Variants in RANBP2 observed in about 807,000 individuals in gnomAD.
The protein encoded by RANBP2 is RAN binding protein 2, also known as E3 SUMO-protein ligase RanBP2.
Under a neutral mutation model 303.6 loss-of-function variants are expected in RANBP2, and 57 were observed. That is an observed-to-expected ratio of 0.19 (90% CI 0.15 to 0.23). The LOEUF (loss-of-function observed/expected upper bound fraction) is 0.23. Ranked by LOEUF, RANBP2 falls within the 10% of genes least tolerant of loss-of-function variation. The pLI, the probability that RANBP2 is intolerant of heterozygous loss-of-function variation, is 1.00. For missense variants in RANBP2, 3,138 were observed against 3,780.8 expected, an observed-to-expected ratio of 0.83 and a Z score of 4.46; for synonymous variants, 1,167 against 1,301.5, an observed-to-expected ratio of 0.90 and a Z score of 2.23.
At chr2:109,449,107 T>C in the RANBP2 span, 1 of 1,533,656 alleles carries the variant, frequency 6.5e-7, no homozygotes, top group African/African-American at 1.4e-5. Flanking sequence ...TGCAGCTGCC[T>C]GGCAGGCATG....
chr2:108,791,858 A>C, the RANBP2 span: 2 of 1,490,724 alleles, frequency 1.3e-6, no homozygotes, highest in Non-Finnish European at 1.8e-6. Flanking sequence ...AAGTAGAGTA[A>C]ATGAAGCTTC....
At chr2:109,416,428 T>A in the RANBP2 span, among the ~76,000 whole-genome samples, 1 of 151,988 alleles carries the variant, frequency 6.6e-6, no homozygotes, top group East Asian at 2.0e-4. Context: ...AACCCCCCCG[T>A]TTCTACTAAA....
chr2:109,129,789 G>A, the RANBP2 span: 2 of 1,539,282 alleles, frequency 1.3e-6, no homozygotes, highest in African/African-American at 1.4e-5. Context: ...GCTGCCTGGA[G>A]AGCATCGTGT....
chr2:108,809,274 G>A, the RANBP2 span, among the ~76,000 whole-genome samples: 297 of 152,152 alleles, frequency 2.0e-3, 3 homozygotes, highest in African/African-American at 6.9e-3. Context: ...TGTTGTTTTC[G>A]CACAGGATCG....
At position 108,736,242 on chromosome 2, in the gene RANBP2, C is replaced by T; in HGVS notation, c.775C>T (p.Leu259=). The T allele has an allele frequency of 1.2e-6, 2 of 1,611,960 alleles. No individual in the cohort carries two copies. Among genetic ancestry groups the T allele is most frequent in the Non-Finnish European group, 1.7e-6 (2 of 1,179,838 alleles). ...TRDVQESREL[L]QSFDSALQSV... is the part of the protein sequence containing the mutation. Reference sequence around the variant, plus strand: ...AGATGTGCAGGAAAGTAGAGAATTACTGCAAAGGTACGTTGACTTTGAGAA... The same window carrying T: ...AGATGTGCAGGAAAGTAGAGAATTATTGCAAAGGTACGTTGACTTTGAGAA... The change falls in exon 6 of 29, where the codon CTG becomes TTG. Residue 259 remains leucine, a synonymous_variant. Transcript: ENST00000283195.
the RANBP2 span, chr2:108,846,743 G>A: frequency 3.7e-6 from 6 of 1,605,688 alleles, no homozygotes; most frequent in South Asian, 2.2e-5. Context: ...AACAGCACTC[G>A]ACTATGACAT....
chr2:108,968,137 G>C, the RANBP2 span, among the ~76,000 whole-genome samples: 3 of 152,148 alleles, frequency 2.0e-5, no homozygotes, highest in Non-Finnish European at 4.4e-5. Context: ...ACCACCTGGG[G>C]AAGGCGCCGT....
the RANBP2 span, among the ~76,000 whole-genome samples, chr2:109,528,708 C>T: frequency 3.3e-5 from 5 of 152,172 alleles, no homozygotes; most frequent in Non-Finnish European, 7.4e-5. Flanking sequence ...GCAGATGGAA[C>T]CACGGTCCCC....
At chr2:109,359,253 A>G in the RANBP2 span, among the ~76,000 whole-genome samples, 3 of 152,140 alleles carry the variant, frequency 2.0e-5, no homozygotes, top group Admixed American at 6.5e-5. Flanking sequence ...TGGCTCTTCT[A>G]GGTCTCTTGC....
chr2:109,564,462 C>A, the RANBP2 span: 81 of 1,593,086 alleles, frequency 5.1e-5, 1 homozygote, highest in Admixed American at 1.9e-4. Context: ...GGTCTGCTCT[C>A]GCAGGTCCTC....
In RANBP2 at chr2:108,781,295, G is replaced by A. The variant is rs1187850550; in HGVS notation, c.8626G>A (p.Gly2876Arg). The change falls in exon 26 of 29, where the codon GGA (glycine) becomes AGA (arginine). Residue 2876 changes from glycine to arginine, a missense_variant. Coordinates refer to ENST00000283195, the MANE Select transcript of RANBP2 (RefSeq NM_006267.5). Reference sequence around the variant, plus strand: ...TAAAAATTTCCAATGGGCAAATACTGGAGCAGCTGTGTTTGGAACACAGTC... The same window carrying A: ...TAAAAATTTCCAATGGGCAAATACTAGAGCAGCTGTGTTTGGAACACAGTC... ...KDKNFQWANT[G>R]AAVFGTQSVG... The A allele has an allele frequency of 1.2e-6, 2 of 1,614,152 alleles. No individual in the cohort carries two copies. The highest frequency in any genetic ancestry group is 2.2e-5 in the South Asian group (2 of 91,086).
At chr2:109,493,617 C>T in the RANBP2 span, among the ~76,000 whole-genome samples, 11 of 151,216 alleles carry the variant, frequency 7.3e-5, no homozygotes, top group South Asian at 4.2e-4. Flanking sequence ...ACACTGCAAA[C>T]NCACACCCCA....
At chr2:109,621,528 T>C in the RANBP2 span, among the ~76,000 whole-genome samples, 1 of 152,134 alleles carries the variant, frequency 6.6e-6, no homozygotes, top group African/African-American at 2.4e-5. Flanking sequence ...CTAAGAAACT[T>C]TGAATATAAT....
chr2:109,760,400 GGGCGGCGGCGGCGGCGGC>G, the RANBP2 span: 1,597 of 715,898 alleles, frequency 2.2e-3, 119 homozygotes, highest in South Asian at 0.075. Flanking sequence ...GGCGGGGCGG[GGGCGGCGGCGGCGGCGGC>G]GGCGGCGGCG....
the RANBP2 span, among the ~76,000 whole-genome samples, chr2:109,594,477 T>C: frequency 6.6e-6 from 1 of 152,208 alleles, no homozygotes; most frequent in Non-Finnish European, 1.5e-5. Context: ...GGTTTTTTTT[T>C]GCTGAATCTC....
chr2:109,614,107 G>A, the RANBP2 span: 3 of 1,209,756 alleles, frequency 2.5e-6, no homozygotes, highest in South Asian at 8.6e-5. Flanking sequence ...CGTCAGCGTT[G>A]GGGCGGGCTG....
At chr2:109,484,067 CTTT>C in the RANBP2 span, among the ~76,000 whole-genome samples, 6 of 94,328 alleles carry the variant, frequency 6.4e-5, no homozygotes, top group African/African-American at 8.5e-5. Context: ...TCTGGCCTTT[CTTT>C]TTTTTTTTTT....
At chr2:109,146,711 G>A in the RANBP2 span, among the ~76,000 whole-genome samples, 1 of 152,042 alleles carries the variant, frequency 6.6e-6, no homozygotes, top group African/African-American at 2.4e-5. Context: ...TGGATTGGGG[G>A]GCCCCATAGA....
At chr2:108,748,423 G>T (rs1675559466) in intron 8 of RANBP2, among the ~76,000 whole-genome samples, 1 of 142,000 alleles carries the variant, frequency 7.0e-6, no homozygotes, top group Admixed American at 7.4e-5. Context: ...GAGTTTCACT[G>T]TGTTAGCCAG....
Sources: gnomAD v4.1 joint callset for allele counts (sites outside exome capture counted in the v4.1 genomes callset) on GRCh38, gnomAD v4.1.1 for gene constraint, MANE v1.5 for transcripts, NCBI Gene and HGNC (gene_info 2026-07-23, HGNC 2026-07-21) for gene names.